The following GRIA1 variants were observed in gnomAD, a reference collection of about 807,000 sequenced individuals.
The protein encoded by GRIA1 is glutamate ionotropic receptor AMPA type subunit 1, also known as glutamate receptor 1.
GRIA1 carries 31 observed loss-of-function variants against 99.2 expected under a neutral mutation model. That is an observed-to-expected ratio of 0.31 (90% CI 0.23 to 0.42). GRIA1 has a LOEUF of 0.42. Among genes scored for constraint, GRIA1 ranks in the 10% least tolerant of loss-of-function variants. GRIA1 has a pLI of 1.00. For synonymous variants in GRIA1, 438 were observed against 432.4 expected, an observed-to-expected ratio of 1.01 and a Z score of -0.16; for missense variants, 782 against 1,157.5, an observed-to-expected ratio of 0.68 and a Z score of 4.71.
Position 153,713,649 on chromosome 5 carries a change from A to G in GRIA1, c.1823+7582A>G, listed in dbSNP as rs574154161. 3.3e-5 allele frequency among the ~76,000 whole-genome samples: 5 copies of G among 152,260 alleles called. No individual in the cohort carries two copies. The South Asian group carries it at 1.0e-3, about 32-fold the overall frequency. On this transcript the variant is annotated intron_variant, in intron 11 of 15. Coordinates refer to ENST00000285900, the MANE Select transcript of GRIA1 (RefSeq NM_000827.4). ...CACTGGATATGCAAATGAAACCATC[A>G]TTTTCTGTGTCTCAGCCTGCAGTTC...
At chr5:153,585,295 CTCTCTT>C (rs1310054330) in intron 2 of GRIA1, among the ~76,000 whole-genome samples, 2 of 136,334 alleles carry the variant, frequency 1.5e-5, no homozygotes, top group Non-Finnish European at 3.1e-5. Context: ...TTCTTTCTCT[CTCTCTT>C]TTTTTTTTTT....
At chr5:153,718,344 T>C (rs996544373) in intron 11 of GRIA1, among the ~76,000 whole-genome samples, 3 of 152,130 alleles carry the variant, frequency 2.0e-5, no homozygotes, top group Non-Finnish European at 4.4e-5. Context: ...AAGGAGAAAC[T>C]TGGGCTGGTC....
chr5:153,653,484 T>A (rs2149461933), intron 4 of GRIA1, among the ~76,000 whole-genome samples: 1 of 152,324 alleles, frequency 6.6e-6, no homozygotes, highest in African/African-American at 2.4e-5. Context: ...TGAAGGTTTG[T>A]GAGCAAGGAA....
chr5:153,642,905 A>C (rs1452750686), intron 2 of GRIA1, among the ~76,000 whole-genome samples: 1 of 152,134 alleles, frequency 6.6e-6, no homozygotes. Flanking sequence ...TAGCAGGTTA[A>C]AAGTTGTGTC....
At chr5:153,492,217 C>T in intron 1 of GRIA1, 2 of 1,531,970 alleles carry the variant, frequency 1.3e-6, no homozygotes. Flanking sequence ...CAGTACCCAT[C>T]TCTTTCAGCC....
Position 153,811,724 on chromosome 5 carries a change from C to G in GRIA1, c.*499C>G, listed in dbSNP as rs1047431297. ...GATTGGAGATTCAAGATTTGTTCCA[C>G]TTTACAAGCAAGAGGAAAAAAAAGC... On this transcript the variant is annotated 3_prime_UTR_variant, in exon 16 of 16. Transcript: ENST00000285900. 1.3e-5 allele frequency: 2 copies of G among 154,658 alleles called. No individual in the cohort carries two copies. Among genetic ancestry groups the G allele is most frequent in the African/African-American group, 4.8e-5 (2 of 41,422 alleles). The allele number at this position is 154,658 out of a possible 1,614,324, so 9.6% of individuals were successfully genotyped here. A position where few individuals can be genotyped will look rare whatever the true frequency, so the allele number is the denominator to read the frequency against.
At chr5:153,604,951 G>A (rs1020391400) in intron 2 of GRIA1, among the ~76,000 whole-genome samples, 5 of 151,958 alleles carry the variant, frequency 3.3e-5, no homozygotes, top group Admixed American at 6.6e-5. Context: ...AGAAAAACAG[G>A]CAAAAGGTGG....
chr5:153,560,403 A>G (rs1255973990), intron 2 of GRIA1, among the ~76,000 whole-genome samples: 1 of 152,170 alleles, frequency 6.6e-6, no homozygotes, highest in African/African-American at 2.4e-5. Context: ...GGAGGCTGAT[A>G]TGGTGTGGCT....
chr5:153,513,950 G>GT (rs1756356962), intron 2 of GRIA1, among the ~76,000 whole-genome samples: 1 of 152,116 alleles, frequency 6.6e-6, no homozygotes, highest in Non-Finnish European at 1.5e-5. Flanking sequence ...ATTATATTCA[G>GT]TAACTATTAC....
At chr5:153,585,527 G>A (rs983966645) in intron 2 of GRIA1, among the ~76,000 whole-genome samples, 7 of 151,664 alleles carry the variant, frequency 4.6e-5, no homozygotes, top group Non-Finnish European at 8.8e-5. Context: ...CAGGCTGGTC[G>A]TGAAATCCTG....
At chr5:153,569,422 G>A (rs945158994) in intron 2 of GRIA1, among the ~76,000 whole-genome samples, 2 of 152,208 alleles carry the variant, frequency 1.3e-5, no homozygotes, top group Non-Finnish European at 2.9e-5. Context: ...AAATAAAATT[G>A]TGAATCTTTA....
intron 2 of GRIA1, among the ~76,000 whole-genome samples, chr5:153,507,363 C>T (rs1406225285): frequency 3.3e-5 from 5 of 152,094 alleles, no homozygotes; most frequent in African/African-American, 1.2e-4. Flanking sequence ...CTCAACACCA[C>T]CACAGGGGTC....
intron 13 of GRIA1, among the ~76,000 whole-genome samples, chr5:153,791,501 T>G (rs1765303775): frequency 6.6e-6 from 1 of 151,966 alleles, no homozygotes; most frequent in African/African-American, 2.4e-5. Flanking sequence ...AAGGTCTAAG[T>G]GAGCCCAGGC....
At chr5:153,708,249 T>C (rs1263789472) in intron 11 of GRIA1, among the ~76,000 whole-genome samples, 2 of 152,184 alleles carry the variant, frequency 1.3e-5, no homozygotes, top group African/African-American at 2.4e-5. Context: ...AGCTTCCCTC[T>C]TGAACAGGTC....
intron 2 of GRIA1, among the ~76,000 whole-genome samples, chr5:153,560,774 G>A (rs1761052151): frequency 6.6e-6 from 1 of 152,150 alleles, no homozygotes; most frequent in Non-Finnish European, 1.5e-5. Context: ...TAAGCTATGG[G>A]CCTTTGGTTT....
chr5:153,724,196 G>C (rs1231318198), intron 11 of GRIA1, among the ~76,000 whole-genome samples: 1 of 152,138 alleles, frequency 6.6e-6, no homozygotes, highest in Non-Finnish European at 1.5e-5. Flanking sequence ...CTGTCTCTTA[G>C]AAGGAAAACT....
At chr5:153,616,739 G>A (rs1015579660) in intron 2 of GRIA1, among the ~76,000 whole-genome samples, 3 of 152,090 alleles carry the variant, frequency 2.0e-5, no homozygotes, top group Non-Finnish European at 1.5e-5. Flanking sequence ...AATTCCAAGA[G>A]AGGAGTGTAT....
At chr5:153,712,704 T>G (rs1759401995) in intron 11 of GRIA1, among the ~76,000 whole-genome samples, 1 of 152,232 alleles carries the variant, frequency 6.6e-6, no homozygotes, top group African/African-American at 2.4e-5. Flanking sequence ...AAACGTCATT[T>G]AGGCCACAGG....
intron 11 of GRIA1, among the ~76,000 whole-genome samples, chr5:153,714,264 G>C (rs1325186292): frequency 1.3e-5 from 2 of 152,108 alleles, no homozygotes; most frequent in Admixed American, 6.5e-5. Context: ...ACCAGTTTGA[G>C]AGCCCTAAAA....
Sources: allele counts gnomAD v4.1 joint callset (sites outside exome capture counted in the v4.1 genomes callset), GRCh38; gene constraint gnomAD v4.1.1; transcripts MANE v1.5; gene names NCBI Gene and HGNC (gene_info 2026-07-23, HGNC 2026-07-21).